The following HTR3C variants were observed in gnomAD, a reference collection of about 807,000 sequenced individuals.
HTR3C encodes the protein 5-HT3-C.
In HTR3C, 32 loss-of-function variants were observed where a neutral mutation model predicts 40.5. That is an observed-to-expected ratio of 0.79 (90% confidence interval 0.60 to 1.06). The LOEUF (loss-of-function observed/expected upper bound fraction) is 1.06, where lower values mean the gene tolerates loss of function less well. Ranked by LOEUF, HTR3C falls within the 50% of genes least tolerant of loss-of-function variation. The pLI, the probability that HTR3C is intolerant of heterozygous loss-of-function variation, is 0.00. For synonymous variants in HTR3C, 209 were observed against 217.1 expected (o/e 0.96, Z 0.33); for missense variants, 523 against 556.8 (o/e 0.94, Z 0.61).
At position 184,060,359 on chromosome 3, in the gene HTR3C, A is replaced by G. The variant is rs201818903; in HGVS notation, c.*7A>G. ...TGTCCTCTGGAACACCTAGGCAGAC[A>G]TCCCCCCTCTCTGGCAAACAACAGC... is the stretch of plus-strand genomic sequence containing the variant. On this transcript the variant is annotated 3_prime_UTR_variant, in exon 9 of 9. Transcript: ENST00000318351. 167 of 1,614,082 alleles carry G rather than the reference A, an allele frequency of 1.0e-4. No homozygotes were observed. The highest frequency in any genetic ancestry group is 1.3e-4 in the Non-Finnish European group (157 of 1,179,970).
At chr3:184,055,906 A>AAAAAAAAAAAAG (rs1723313805) in intron 3 of HTR3C, among the ~76,000 whole-genome samples, 1 of 150,004 alleles carries the variant, frequency 6.7e-6, no homozygotes, top group Non-Finnish European at 1.5e-5. Context: ...AAAAAAAAAA[A>AAAAAAAAAAAAG]AAAAAAAGGC....
rs764563981 is a variant in HTR3C, at chr3:184,058,637, T to C, written c.720+50T>C. The C allele has an allele frequency of 1.5e-5, 23 of 1,584,284 alleles. No homozygotes were observed. The Admixed American group carries it at 4.1e-4, about 29-fold the overall frequency. ...CTTCTGATCCCAGCAGCTCTTTGATTGTCCTCTTGACCTATGGCTCTTTGG... is the reference window on the plus strand; with the variant it reads ...CTTCTGATCCCAGCAGCTCTTTGATCGTCCTCTTGACCTATGGCTCTTTGG... On this transcript the variant is annotated intron_variant, in intron 6 of 8. Coordinates refer to ENST00000318351, the MANE Select transcript of HTR3C (RefSeq NM_130770.3).
intron 1 of HTR3C, 62 bp from the exon 2 acceptor site, chr3:184,054,659 T>C: frequency 7.1e-7 from 1 of 1,417,144 alleles, no homozygotes. Context: ...TTTATCTCTC[T>C]GCAGAGAGAC....
rs763817755 is a variant in HTR3C, at chr3:184,059,901, G to A, written c.999G>A (p.Leu333=). 1 of 1,613,950 alleles carries A rather than the reference G, an allele frequency of 6.2e-7. No homozygotes were observed. Among genetic ancestry groups the A allele is most frequent in the East Asian group, 2.2e-5 (1 of 44,874 alleles). The change falls in exon 8 of 9, where the codon CTG becomes CTA. Residue 333 remains leucine (L), a synonymous_variant. Coordinates refer to ENST00000318351, the MANE Select transcript of HTR3C (RefSeq NM_130770.3). ...AGACCGTCTTCATTACCTACCTGCT[G>A]CACGTGGCCACCACCCAGCCCCCAC... is the stretch of plus-strand genomic sequence containing the variant. ...LLETVFITYL[L]HVATTQPPPM... is the part of the protein sequence containing the mutation.
rs140433209 is a variant in HTR3C, at chr3:184,056,289, G to T, written c.389+3G>T. 1.2e-6 allele frequency: 2 copies of T among 1,600,212 alleles called. No individual in the cohort carries two copies. The highest frequency in any genetic ancestry group is 1.7e-6 in the Non-Finnish European group (2 of 1,167,396). On this transcript the variant is annotated splice_donor_region_variant and intron_variant, in intron 4 of 8. Transcript: ENST00000318351. ...CCAGACATCTTCATCGTGGAATCGT[G>T]CGTATGCAGGCTGGGGAAGCCAGCG...
chr3:184,060,525 G>A lies in HTR3C; in HGVS notation c.*173G>A, dbSNP rs1269161769. On this transcript the variant is annotated 3_prime_UTR_variant, in exon 9 of 9. Transcript: ENST00000318351. ...AAGCAGGTTCGGGACAGCCCTGGACGATTTCCCGACCGCTGCTCAGGCTGC... is the reference window on the plus strand; with the variant it reads ...AAGCAGGTTCGGGACAGCCCTGGACAATTTCCCGACCGCTGCTCAGGCTGC... 10 of 777,566 alleles carry A rather than the reference G, an allele frequency of 1.3e-5. No individual in the cohort carries two copies. The highest frequency in any genetic ancestry group is 1.7e-5 in the African/African-American group (1 of 57,670). The allele number at this position is 777,566 out of a possible 1,614,324, so 48.2% of individuals were successfully genotyped here.
chr3:184,059,574 C>T lies in HTR3C; in HGVS notation c.859C>T (p.Leu287=), dbSNP rs1723400497. Residue 287 remains leucine, a synonymous_variant, in exon 7 of 9, where the codon CTG becomes TTG. Coordinates refer to ENST00000318351, the MANE Select transcript of HTR3C (RefSeq NM_130770.3). The part of the protein sequence containing the change: ...NRAPFKITLL[L]GYNVFLLMMN... ...TGCCCCATTCAAGATAACACTTCTGCTGGGCTACAACGTCTTCCTGCTCAT... is the reference window on the plus strand; with the variant it reads ...TGCCCCATTCAAGATAACACTTCTGTTGGGCTACAACGTCTTCCTGCTCAT... 6.2e-7 allele frequency: 1 copy of T among 1,614,088 alleles called. No homozygotes were observed.
intron 7 of HTR3C, 27 bp from the exon 8 acceptor site, chr3:184,059,801 T>C (rs1332721513): frequency 6.2e-7 from 1 of 1,612,518 alleles, no homozygotes; most frequent in Admixed American, 1.7e-5. Context: ...ATTTGCCTGG[T>C]TTATTTATAA....
chr3:184,055,162 T>C (rs1723299360), intron 2 of HTR3C, 150 bp from the exon 3 acceptor site: 1 of 664,734 alleles, frequency 1.5e-6, no homozygotes. Flanking sequence ...GAATTGCCCA[T>C]AGACACAGGG....
At chr3:184,053,579 T>TAA (rs1175023638) in intron 1 of HTR3C, among the ~76,000 whole-genome samples, 17 of 152,140 alleles carry the variant, frequency 1.1e-4, no homozygotes, top group Non-Finnish European at 2.1e-4. Context: ...GTTCCCAATC[T>TAA]GGACACATAC....
intron 4 of HTR3C, among the ~76,000 whole-genome samples, 189 bp downstream of exon 4, chr3:184,056,475 G>C (rs1183218300): frequency 6.6e-6 from 1 of 152,070 alleles, no homozygotes; most frequent in Non-Finnish European, 1.5e-5. Flanking sequence ...GGCCAGGCGC[G>C]GTGGCTCACG....
chr3:184,056,761 A>C, intron 4 of HTR3C, 114 bp from the exon 5 acceptor site: 2 of 990,566 alleles, frequency 2.0e-6, no homozygotes, highest in South Asian at 2.5e-5. Context: ...ACAACAAAAA[A>C]ATAAAAATAG....
chr3:184,054,465 C>T (rs1723282161), intron 1 of HTR3C, among the ~76,000 whole-genome samples: 1 of 152,146 alleles, frequency 6.6e-6, no homozygotes, highest in Admixed American at 6.5e-5. Context: ...AGTTTTCATA[C>T]AGATTTGGGC....
In HTR3C at chr3:184,053,160, G is replaced by C. The variant is rs144455519; in HGVS notation, c.67+13G>C. ...CTTCTGCTTCAAGGTAAGATGGGACGAGAACAGGGAAGACCAGAGTGTGGT... is the reference window on the plus strand; with the variant it reads ...CTTCTGCTTCAAGGTAAGATGGGACCAGAACAGGGAAGACCAGAGTGTGGT... On this transcript the variant is annotated intron_variant, in intron 1 of 8. Coordinates refer to ENST00000318351, the MANE Select transcript of HTR3C (RefSeq NM_130770.3). 19 of 1,609,188 alleles carry C rather than the reference G, an allele frequency of 1.2e-5. No homozygotes were observed. The East Asian group carries it at 4.2e-4, about 36-fold the overall frequency.
intron 1 of HTR3C, 138 bp downstream of exon 1, chr3:184,053,285 G>GAAAGACAGT: frequency 1.5e-6 from 1 of 655,802 alleles, no homozygotes; most frequent in Non-Finnish European, 2.7e-6. Context: ...TTTCCTTTTG[G>GAAAGACAGT]TGACAGATAG....
chr3:184,058,674 G>A (rs939021735), intron 6 of HTR3C, 87 bp downstream of exon 6: 20 of 1,485,254 alleles, frequency 1.3e-5, no homozygotes, highest in Non-Finnish European at 1.7e-5. Context: ...AAGCAAAAAA[G>A]AAGCTCCAGG....
rs1723339190 is a variant in HTR3C at position 184,056,927 on chromosome 3, G to A, written c.442G>A (p.Gly148Ser). Residue 148 changes from glycine to serine, a missense_variant, in exon 5 of 9, where the codon GGT (glycine) becomes AGT (serine). By Grantham distance (56) the Gly-to-Ser change is moderately conservative. Coordinates refer to ENST00000318351, the MANE Select transcript of HTR3C (RefSeq NM_130770.3). ...SGLTAYISSE[G>S]RIKYDKPMRV... ...TCTCACTGCCTATATCAGCAGTGAA[G>A]GTCGAATTAAGTATGATAAGCCAAT... 5 of 1,613,762 alleles carry A rather than the reference G, an allele frequency of 3.1e-6. No individual in the cohort carries two copies. Among genetic ancestry groups the A allele is most frequent in the East Asian group, 4.5e-5 (2 of 44,868 alleles).
At chr3:184,054,610 A>G in intron 1 of HTR3C, 111 bp from the exon 2 acceptor site, 1 of 904,626 alleles carries the variant, frequency 1.1e-6, no homozygotes, top group Non-Finnish European at 1.6e-6. Context: ...TTGGCATGGG[A>G]AGGAGGGGCT....
At chr3:184,056,852 T>C (rs1295607286) in intron 4 of HTR3C, 23 bp from the exon 5 acceptor site, 1 of 1,569,936 alleles carries the variant, frequency 6.4e-7, no homozygotes, top group South Asian at 1.2e-5. Flanking sequence ...AGCCTCCATC[T>C]CTTCCCTCCC....
Sources: gnomAD v4.1 joint callset for allele counts (sites outside exome capture counted in the v4.1 genomes callset) on GRCh38, gnomAD v4.1.1 for gene constraint, MANE v1.5 for transcripts, NCBI Gene and HGNC (gene_info 2026-07-23, HGNC 2026-07-21) for gene names.